SSPN: variants seen among roughly 807,000 people sequenced by gnomAD.
SSPN encodes the protein K-ras oncogene-associated protein.
In SSPN, 15 loss-of-function variants were observed where a neutral mutation model predicts 19.1. That is an observed-to-expected ratio of 0.78 (90% CI 0.52 to 1.21). SSPN has a LOEUF of 1.21. Ranked by LOEUF, SSPN falls within the 50% of genes most tolerant of loss-of-function variation. The pLI is 0.00. For synonymous variants in SSPN, 147 were observed against 140.3 expected, an observed-to-expected ratio of 1.05 and a Z score of -0.34; for missense variants, 291 against 314.0, an observed-to-expected ratio of 0.93 and a Z score of 0.55.
rs139312512 is a variant in SSPN at position 26,179,538 on chromosome 12, A to G, written c.-30-44755A>G. ...CAAGAGCAACTTCTTGAACTTCACA[A>G]TTTTGCTTAGGGGCCTTGTATTCCT... On this transcript the variant is annotated intron_variant, in intron 1 of 2. Transcript: ENST00000538142. Among the ~76,000 whole-genome samples the G allele has an allele frequency of 1.8e-4, 28 of 152,228 alleles. No individual in the cohort carries two copies. In the East Asian group the frequency reaches 4.4e-3, roughly 24 times the overall value.
chr12:26,125,992 C>T (rs930134558), intron 1 of SSPN: 4 of 152,062 alleles, frequency 2.6e-5, no homozygotes, highest in African/African-American at 9.7e-5. Context: ...CGTTTACTAC[C>T]GCTGGCACCT....
chr12:26,196,091 G>C (rs1944827337), intron 1 of SSPN, 140 bp downstream of exon 1: 1 of 735,820 alleles, frequency 1.4e-6, no homozygotes, highest in East Asian at 3.4e-5. Flanking sequence ...GGTGACTGAT[G>C]CGTGGGGCAC....
At chr12:26,189,058 G>T (rs1362311348) in intron 1 of SSPN, among the ~76,000 whole-genome samples, 2 of 151,894 alleles carry the variant, frequency 1.3e-5, no homozygotes, top group Non-Finnish European at 2.9e-5. Flanking sequence ...ACCTGAAAAG[G>T]TTACTTAGCC....
chr12:26,198,172 G>T (rs1020490995), intron 1 of SSPN, among the ~76,000 whole-genome samples: 3 of 148,858 alleles, frequency 2.0e-5, no homozygotes, highest in African/African-American at 4.9e-5. Context: ...GTTTTGGGGG[G>T]GGGTTTTTGG....
At chr12:26,124,861 TG>T in intron 1 of SSPN, 1 of 1,358,104 alleles carries the variant, frequency 7.4e-7, no homozygotes, top group Non-Finnish European at 1.1e-6. Context: ...TGGGAGACCT[TG>T]GGGGGATCTG....
intron 1 of SSPN, among the ~76,000 whole-genome samples, chr12:26,134,726 A>ACT (rs1042553318): frequency 7.6e-6 from 1 of 131,200 alleles, no homozygotes; most frequent in Non-Finnish European, 1.6e-5. Context: ...CCCATCCCCC[A>ACT]CTAGGACTTT....
At chr12:26,174,503 C>CCTTCCCTT (rs75173753) in intron 1 of SSPN, among the ~76,000 whole-genome samples, 20 of 124,390 alleles carry the variant, frequency 1.6e-4, no homozygotes, top group African/African-American at 6.8e-4. Context: ...TTCCTTCCTT[C>CCTTCCCTT]CCTTCCTTCC....
intron 1 of SSPN, among the ~76,000 whole-genome samples, chr12:26,182,599 C>T (rs1052253337): frequency 4.4e-5 from 2 of 45,776 alleles, no homozygotes; most frequent in Non-Finnish European, 7.2e-5. Context: ...CTTCCCTTCC[C>T]TTCCCTTCCC....
At chr12:26,212,268 T>C (rs1944996272) in intron 1 of SSPN, among the ~76,000 whole-genome samples, 4 of 152,164 alleles carry the variant, frequency 2.6e-5, no homozygotes, top group Admixed American at 2.6e-4. Flanking sequence ...TATCAACTCC[T>C]CAGGTAGAAT....
intron 2 of SSPN, among the ~76,000 whole-genome samples, chr12:26,228,207 G>A (rs972319987): frequency 6.6e-6 from 1 of 151,864 alleles, no homozygotes; most frequent in Admixed American, 6.6e-5. Context: ...ACCAGCCTGG[G>A]CAAAATGGTG....
At chr12:26,193,198 A>T (rs1162546367), upstream of SSPN, among the ~76,000 whole-genome samples, 1 of 152,360 alleles carries the variant, frequency 6.6e-6, no homozygotes, top group East Asian at 1.9e-4. Context: ...CACAATTTAA[A>T]CAGTCTAGCC....
intron 1 of SSPN, among the ~76,000 whole-genome samples, chr12:26,210,775 T>A (rs1416934624): frequency 6.6e-6 from 1 of 152,164 alleles, no homozygotes; most frequent in African/African-American, 2.4e-5. Flanking sequence ...CATTTTACAG[T>A]GTTTTATAGG....
chr12:26,194,706 C>T (rs1437961861), upstream of SSPN, among the ~76,000 whole-genome samples: 1 of 152,108 alleles, frequency 6.6e-6, no homozygotes, highest in African/African-American at 2.4e-5. Flanking sequence ...CGTGAGAGGC[C>T]GGGTGCATGG....
At chr12:26,182,582 CCCTTCCCTTCCCTTCCCTTCCCTTCCCTT>C (rs1944725662) in intron 1 of SSPN, among the ~76,000 whole-genome samples, 1 of 12,252 alleles carries the variant, frequency 8.2e-5, no homozygotes, top group African/African-American at 2.9e-4. Context: ...CTTCCCCTTC[CCCTTCCCTTCCCTTCCCTTCCCTTCCCTT>C]CCCTTCCCTT....
rs1945219907 is a variant in SSPN, at chr12:26,230,654, C to A, written c.367-57C>A. The A allele has an allele frequency of 3.3e-6, 5 of 1,526,190 alleles. No individual in the cohort carries two copies. In the South Asian group the frequency reaches 6.5e-5, roughly 20 times the overall value. The allele number at this position is 1,526,190 out of a possible 1,614,324, so 94.5% of individuals were successfully genotyped here. ...GAACAGTTTTGATGAATTCGCTTTG[C>A]AAATCATCATCCAATGTTCTTTGTA... On this transcript the variant is annotated intron_variant, in intron 2 of 2. Transcript: ENST00000242729.
intron 1 of SSPN, among the ~76,000 whole-genome samples, chr12:26,148,102 A>G (rs999515111): frequency 6.6e-6 from 1 of 152,204 alleles, no homozygotes; most frequent in African/African-American, 2.4e-5. Flanking sequence ...GGAGGGACTC[A>G]AATAACTCAT....
At chr12:26,180,656 G>GT (rs1473430933) in intron 1 of SSPN, 2 of 152,116 alleles carry the variant, frequency 1.3e-5, no homozygotes, top group Non-Finnish European at 2.9e-5. Context: ...CAGTTTTTTA[G>GT]TCAAGAGATA....
intron 1 of SSPN, among the ~76,000 whole-genome samples, chr12:26,176,861 C>A (rs967674693): frequency 6.6e-5 from 10 of 152,152 alleles, no homozygotes; most frequent in African/African-American, 2.4e-4. Flanking sequence ...CTTGATGTAC[C>A]TGCCTCCGTT....
At chr12:26,191,200 G>GT (rs1275880506), upstream of SSPN, among the ~76,000 whole-genome samples, 4 of 152,232 alleles carry the variant, frequency 2.6e-5, no homozygotes, top group Middle Eastern at 3.4e-3. Flanking sequence ...TATTTCTACA[G>GT]TATCATATGC....
Sources: gnomAD v4.1 joint callset for allele counts (sites outside exome capture counted in the v4.1 genomes callset) on GRCh38, gnomAD v4.1.1 for gene constraint, MANE v1.5 for transcripts, NCBI Gene and HGNC (gene_info 2026-07-23, HGNC 2026-07-21) for gene names.